Variants in TSHZ2 observed in about 807,000 individuals in gnomAD.
TSHZ2 encodes the protein teashirt zinc finger homeobox 2.
TSHZ2 carries 21 observed loss-of-function variants against 74.4 expected under a neutral mutation model. That is an observed-to-expected ratio of 0.28 (90% CI 0.20 to 0.41). TSHZ2 has a LOEUF of 0.41. Ranked by LOEUF, TSHZ2 falls within the 10% of genes least tolerant of loss-of-function variation. The probability of loss-of-function intolerance (pLI) is 1.00; values close to 1 mark genes in which losing one functional copy is unlikely to be tolerated. For synonymous variants in TSHZ2, 540 were observed against 515.3 expected, an observed-to-expected ratio of 1.05 and a Z score of -0.65; for missense variants, 1,244 against 1,293.5, an observed-to-expected ratio of 0.96 and a Z score of 0.59.
rs73911241 is a variant in TSHZ2, at chr20:53,270,556, G to A, written c.*8+13985G>A. 5.4e-3 allele frequency among the ~76,000 whole-genome samples: 829 copies of A among 152,212 alleles called. 8 individuals are homozygous for A. Among genetic ancestry groups the A allele is most frequent in the African/African-American group, 0.019 (795 of 41,528 alleles). On this transcript the variant is annotated intron_variant, in intron 2 of 2. Coordinates refer to ENST00000371497, the MANE Select transcript of TSHZ2 (RefSeq NM_173485.6). ...TTTGCCTGAAGCCAGAATTTTGGCT[G>A]AAATGTCAGCACCATTCTGGCATCC...
At chr20:53,243,822 CT>C (rs5841936) in intron 1 of TSHZ2, among the ~76,000 whole-genome samples, 2,293 of 145,650 alleles carry the variant, frequency 0.016, 13 homozygotes, top group African/African-American at 0.018. Flanking sequence ...TGCTTGCTTG[CT>C]TTTTTTTTTT....
intron 1 of TSHZ2, among the ~76,000 whole-genome samples, chr20:53,057,697 C>A (rs1984687298): frequency 6.6e-6 from 1 of 152,174 alleles, no homozygotes; most frequent in Non-Finnish European, 1.5e-5. Flanking sequence ...CTACTGTATT[C>A]ATACTGCTTT....
intron 1 of TSHZ2, among the ~76,000 whole-genome samples, chr20:53,149,645 C>A (rs1987628624): frequency 6.6e-6 from 1 of 152,168 alleles, no homozygotes; most frequent in African/African-American, 2.4e-5. Flanking sequence ...AATAGCACTT[C>A]TTCTCATCAC....
chr20:53,221,675 T>G (rs940675482), intron 1 of TSHZ2, among the ~76,000 whole-genome samples: 2 of 152,192 alleles, frequency 1.3e-5, no homozygotes, highest in Non-Finnish European at 2.9e-5. Flanking sequence ...AGGTTAAAAG[T>G]ATACTCATAA....
chr20:53,475,601 A>G (rs1226832610), intron 2 of TSHZ2, among the ~76,000 whole-genome samples: 1 of 121,744 alleles, frequency 8.2e-6, no homozygotes, highest in African/African-American at 3.4e-5. Context: ...TAAAAGAACT[A>G]GAAAAGCAAG....
chr20:53,360,147 A>C (rs1411110735), intron 2 of TSHZ2, among the ~76,000 whole-genome samples: 2 of 152,238 alleles, frequency 1.3e-5, no homozygotes, highest in African/African-American at 4.8e-5. Context: ...TAATGAAAAA[A>C]TCAAGATTTC....
intron 1 of TSHZ2, among the ~76,000 whole-genome samples, chr20:53,073,342 C>T (rs1299466908): frequency 1.3e-5 from 2 of 149,992 alleles, no homozygotes; most frequent in Non-Finnish European, 3.0e-5. Flanking sequence ...TCATCCATCC[C>T]TCCATTCCTT....
intron 2 of TSHZ2, among the ~76,000 whole-genome samples, chr20:53,476,340 C>T (rs1355325320): frequency 5.5e-5 from 8 of 146,322 alleles, no homozygotes; most frequent in African/African-American, 2.0e-4. Context: ...CCCTGGGATG[C>T]AAGGCTGGTT....
At chr20:53,028,496 T>C (rs1287834786) in intron 1 of TSHZ2, among the ~76,000 whole-genome samples, 1 of 152,280 alleles carries the variant, frequency 6.6e-6, no homozygotes, top group Non-Finnish European at 1.5e-5. Flanking sequence ...GGAATCTATT[T>C]CTTTGCCCTG....
chr20:53,173,719 G>A (rs1988257535), intron 1 of TSHZ2, among the ~76,000 whole-genome samples: 1 of 151,922 alleles, frequency 6.6e-6, no homozygotes, highest in African/African-American at 2.4e-5. Flanking sequence ...CTGAAAAGGG[G>A]ATGGATGGGT....
intron 2 of TSHZ2, among the ~76,000 whole-genome samples, chr20:53,402,095 T>G (rs1353942564): frequency 1.3e-5 from 2 of 152,208 alleles, no homozygotes; most frequent in Non-Finnish European, 2.9e-5. Flanking sequence ...ATACCACATT[T>G]TCTTTATCCA....
chr20:53,282,600 T>C (rs1336820055), intron 2 of TSHZ2, among the ~76,000 whole-genome samples: 4 of 152,340 alleles, frequency 2.6e-5, no homozygotes, highest in Non-Finnish European at 5.9e-5. Flanking sequence ...ATTCACCGAA[T>C]GGACCTCAGA....
chr20:53,420,965 A>G (rs1020073199), intron 2 of TSHZ2, among the ~76,000 whole-genome samples: 2 of 152,208 alleles, frequency 1.3e-5, no homozygotes, highest in African/African-American at 2.4e-5. Context: ...ATAACACCTG[A>G]TGGTATCTCA....
chr20:53,021,379 A>G (rs1256589377), intron 1 of TSHZ2, among the ~76,000 whole-genome samples: 3 of 152,132 alleles, frequency 2.0e-5, no homozygotes, highest in Non-Finnish European at 4.4e-5. Context: ...TGTGTTTAGC[A>G]AGCCTCACTG....
chr20:53,120,969 GTTC>G (rs1225073840), intron 1 of TSHZ2, among the ~76,000 whole-genome samples: 1 of 151,996 alleles, frequency 6.6e-6, no homozygotes, highest in African/African-American at 2.4e-5. Flanking sequence ...GATACAAATA[GTTC>G]TTCTTTACAA....
intron 1 of TSHZ2, among the ~76,000 whole-genome samples, chr20:53,133,451 C>A (rs553426236): frequency 5.8e-4 from 88 of 152,316 alleles, no homozygotes; most frequent in Admixed American, 1.1e-3. Flanking sequence ...CATCATCTTA[C>A]CCCAGAGGTA....
chr20:53,171,867 C>T (rs1376067596), intron 1 of TSHZ2, among the ~76,000 whole-genome samples: 1 of 152,024 alleles, frequency 6.6e-6, no homozygotes, highest in Non-Finnish European at 1.5e-5. Context: ...TGATACAGAT[C>T]ATTAATAAGA....
chr20:53,218,200 C>G (rs6022336), intron 1 of TSHZ2, among the ~76,000 whole-genome samples: 70,253 of 152,224 alleles, frequency 0.46, 19,695 homozygotes, highest in East Asian at 0.79. Context: ...GAGGGCCTCT[C>G]ACCTGTGATT....
intron 1 of TSHZ2, among the ~76,000 whole-genome samples, chr20:53,220,414 A>C (rs1989526768): frequency 6.6e-6 from 1 of 152,248 alleles, no homozygotes; most frequent in African/African-American, 2.4e-5. Flanking sequence ...CTCCCTGTTG[A>C]TGAGAAAATT....
Sources: gnomAD v4.1 joint callset for allele counts (sites outside exome capture counted in the v4.1 genomes callset) on GRCh38, gnomAD v4.1.1 for gene constraint, MANE v1.5 for transcripts, NCBI Gene and HGNC (gene_info 2026-07-23, HGNC 2026-07-21) for gene names.